The following TRAF3IP3 variants were observed in gnomAD, a reference collection of about 807,000 sequenced individuals.
TRAF3IP3 encodes TRAF3-interacting JNK-activating modulator.
TRAF3IP3 carries 64 observed loss-of-function variants against 86.5 expected under a neutral mutation model. The observed-to-expected ratio is 0.74, with a 90% CI of 0.60 to 0.91. The LOEUF (loss-of-function observed/expected upper bound fraction) is 0.91. TRAF3IP3 is among the 40% of genes least tolerant of loss of function. The probability of loss-of-function intolerance (pLI) is 0.00; values close to 1 mark genes in which losing one functional copy is unlikely to be tolerated. For synonymous variants in TRAF3IP3, 220 were observed against 243.9 expected (o/e 0.90, Z 0.91); for missense variants, 579 against 642.9 (o/e 0.90, Z 1.07).
chr1:209,779,672 T>C (rs1351761203), intron 14 of TRAF3IP3: 1 of 601,876 alleles, frequency 1.7e-6, no homozygotes, highest in Non-Finnish European at 2.9e-6. Flanking sequence ...ATGTCAATTT[T>C]TACACACTTG....
At chr1:209,767,335 T>C (rs2077375634) in intron 8 of TRAF3IP3, among the ~76,000 whole-genome samples, 1 of 152,196 alleles carries the variant, frequency 6.6e-6, no homozygotes, top group Non-Finnish European at 1.5e-5. Context: ...TGGCTCATCC[T>C]TAGAAGGTAT....
Position 209,782,074 on chromosome 1 carries a change from C to T in TRAF3IP3, c.1582C>T (p.Leu528Phe). The change falls in exon 17 of 17, where the codon CTC becomes TTC. Residue 528 changes from leucine to phenylalanine, a missense_variant. Transcript: ENST00000367025. Reference sequence around the variant, plus strand: ...CCTACAGAGGCAATGTGGGCGATGGCTCCCAGTGCTGATGGTGGTGATTGC... The same window carrying T: ...CCTACAGAGGCAATGTGGGCGATGGTTCCCAGTGCTGATGGTGGTGATTGC... ...LPPRRQCGRW[L>F]PVLMVVIAAA... 1 of 1,614,122 alleles carries T rather than the reference C, an allele frequency of 6.2e-7. No individual in the cohort carries two copies. Among genetic ancestry groups the T allele is most frequent in the Non-Finnish European group, 8.5e-7 (1 of 1,179,948 alleles).
At position 209,775,738 on chromosome 1, in the gene TRAF3IP3, T is replaced by TA. The variant is rs757662941; in HGVS notation, c.1053+3dup. 3 of 1,607,394 alleles carry TA rather than the reference T, an allele frequency of 1.9e-6. No homozygotes were observed. The South Asian group carries it at 3.3e-5, about 18-fold the overall frequency. ...CACGTGCTTCAGTCCAAACTGCAGGTACCAGGCACTGGGGGTGGGGAGGGA... is the reference window on the plus strand; with the variant it reads ...CACGTGCTTCAGTCCAAACTGCAGGTAACCAGGCACTGGGGGTGGGGAGGGA... On this transcript the variant is annotated splice_region_variant and intron_variant, in intron 11 of 16. Transcript: ENST00000367025.
chr1:209,757,914 G>A (rs146292650), intron 1 of TRAF3IP3, among the ~76,000 whole-genome samples: 24 of 152,268 alleles, frequency 1.6e-4, no homozygotes, highest in African/African-American at 5.3e-4. Flanking sequence ...TGAGGAGACT[G>A]GGGCTTAGAG....
intron 14 of TRAF3IP3, chr1:209,779,986 T>TA (rs2077741965): frequency 6.2e-6 from 1 of 161,178 alleles, no homozygotes; most frequent in Non-Finnish European, 1.4e-5. Flanking sequence ...TTCTGACTCC[T>TA]AGTCCATGCT....
intron 12 of TRAF3IP3, 159 bp downstream of exon 12, chr1:209,777,646 C>A: frequency 1.4e-6 from 1 of 728,122 alleles, no homozygotes; most frequent in Non-Finnish European, 2.2e-6. Flanking sequence ...AGAGGCAGGA[C>A]TGTTTTAATC....
chr1:209,774,398 G>A (rs558289773), intron 9 of TRAF3IP3, among the ~76,000 whole-genome samples: 1 of 152,236 alleles, frequency 6.6e-6, no homozygotes, highest in African/African-American at 2.4e-5. Flanking sequence ...GAATAATAGA[G>A]GCATGCAGGG....
In TRAF3IP3 at chr1:209,760,189, G is replaced by A. The variant is rs1195332894; in HGVS notation, c.150G>A (p.Arg50=). The change falls in exon 3 of 17, where the codon AGG becomes AGA. Residue 50 remains arginine (R), a synonymous_variant. Transcript: ENST00000367025. The part of the protein sequence containing the change: ...TTCRQVGKTL[R]IQQREQLQRA... ...GCCGCCAGGTGGGGAAGACGCTGAG[G>A]ATCCAACAGAGAGAGCAGCTCCAGA... The A allele has an allele frequency of 8.7e-6, 14 of 1,614,248 alleles. No homozygotes were observed. The highest frequency in any genetic ancestry group is 1.7e-5 in the Admixed American group (1 of 60,030).
intron 8 of TRAF3IP3, chr1:209,768,589 T>C: frequency 2.0e-6 from 2 of 985,742 alleles, no homozygotes; most frequent in South Asian, 4.7e-5. Flanking sequence ...GTGGTGGTGT[T>C]TCTGGAGAGC....
chr1:209,775,595 T>C lies in TRAF3IP3; in HGVS notation c.916-4T>C. 6.2e-7 allele frequency: 1 copy of C among 1,614,100 alleles called. No homozygotes were observed. The highest frequency in any genetic ancestry group is 8.5e-7 in the Non-Finnish European group (1 of 1,179,998). On this transcript the variant is annotated splice_region_variant and splice_polypyrimidine_tract_variant and intron_variant, in intron 10 of 16. Coordinates refer to ENST00000367025, the MANE Select transcript of TRAF3IP3 (RefSeq NM_025228.4). ...GGAGCCCTCTCCTCTCTGATCTCCC[T>C]CAGCGATCCCTGGCCCTGGCAGAGC...
intron 8 of TRAF3IP3, among the ~76,000 whole-genome samples, chr1:209,770,967 C>T (rs1169039244): frequency 2.7e-3 from 161 of 58,832 alleles, no homozygotes; most frequent in Middle Eastern, 0.042. Context: ...TGGAGGGGTG[C>T]GTGTGCATGT....
intron 2 of TRAF3IP3, 40 bp downstream of exon 2, chr1:209,759,174 G>A (rs534683092): frequency 1.3e-5 from 2 of 152,382 alleles, no homozygotes; most frequent in Admixed American, 6.5e-5. Flanking sequence ...AGCCCCAACA[G>A]TATTGGAGCC....
In TRAF3IP3 at chr1:209,773,108, A is replaced by T. The variant is rs1219980856; in HGVS notation, c.774+89A>T. 4.3e-6 allele frequency: 5 copies of T among 1,154,690 alleles called. No individual in the cohort carries two copies. In the African/African-American group the frequency reaches 7.9e-5, roughly 18 times the overall value. The allele number at this position is 1,154,690 out of a possible 1,614,324, so 71.5% of individuals were successfully genotyped here. ...AACCTCAATCTTACTTTCGAGAAACACCACCAGATAGAGAATAACACACCC... is the reference window on the plus strand; with the variant it reads ...AACCTCAATCTTACTTTCGAGAAACTCCACCAGATAGAGAATAACACACCC... On this transcript the variant is annotated intron_variant, in intron 9 of 16. Coordinates refer to ENST00000367025, the MANE Select transcript of TRAF3IP3 (RefSeq NM_025228.4).
intron 14 of TRAF3IP3, 67 bp from the exon 15 acceptor site, chr1:209,780,403 T>C: frequency 5.0e-6 from 7 of 1,396,158 alleles, no homozygotes; most frequent in Non-Finnish European, 5.7e-6. Flanking sequence ...CCTAGTGGTT[T>C]CACCCTCAGG....
intron 1 of TRAF3IP3, among the ~76,000 whole-genome samples, chr1:209,757,099 G>A (rs922098016): frequency 6.6e-6 from 1 of 152,204 alleles, no homozygotes; most frequent in Non-Finnish European, 1.5e-5. Flanking sequence ...ACCTGGGTAG[G>A]GTTCTATGCA....
chr1:209,763,354 T>C lies in TRAF3IP3; in HGVS notation c.577-9T>C. 1 of 1,613,114 alleles carries C rather than the reference T, an allele frequency of 6.2e-7. No individual in the cohort carries two copies. Among genetic ancestry groups the C allele is most frequent in the Non-Finnish European group, 8.5e-7 (1 of 1,179,902 alleles). On this transcript the variant is annotated splice_polypyrimidine_tract_variant and intron_variant, in intron 6 of 16. Transcript: ENST00000367025. Reference sequence around the variant, plus strand: ...AGACATTTTGAATACCCTTGTTCTTTCTCTCCAGGAAATCATCCAGCTTTC... The same window carrying C: ...AGACATTTTGAATACCCTTGTTCTTCCTCTCCAGGAAATCATCCAGCTTTC...
At chr1:209,769,593 G>T (rs533836375) in intron 8 of TRAF3IP3, among the ~76,000 whole-genome samples, 23 of 152,332 alleles carry the variant, frequency 1.5e-4, no homozygotes, top group South Asian at 2.1e-4. Context: ...ATGGTTAGAA[G>T]AATAAGCCAA....
chr1:209,778,982 G>A lies in TRAF3IP3; in HGVS notation c.1253-333G>A, dbSNP rs563337787. On this transcript the variant is annotated intron_variant, in intron 13 of 16. Coordinates refer to ENST00000367025, the MANE Select transcript of TRAF3IP3 (RefSeq NM_025228.4). The stretch of plus-strand genomic sequence containing the variant: ...TCTTTCCTTGGCTTTGTAGATGGCC[G>A]TCTTCTCTCTGTGTCTCTTCACATT... The A allele has an allele frequency of 4.0e-4, 124 of 311,242 alleles. 3 individuals are homozygous for A. In the East Asian group the frequency reaches 8.8e-3, roughly 22 times the overall value. The allele number at this position is 311,242 out of a possible 1,614,324, so 19.3% of individuals were successfully genotyped here.
intron 8 of TRAF3IP3, 39 bp from the exon 9 acceptor site, chr1:209,772,909 T>A (rs765290048): frequency 6.4e-7 from 1 of 1,572,944 alleles, no homozygotes; most frequent in East Asian, 2.2e-5. Flanking sequence ...GCAGACTAGA[T>A]TTTGCCCCAA....
Sources: allele counts gnomAD v4.1 joint callset (sites outside exome capture counted in the v4.1 genomes callset), GRCh38; gene constraint gnomAD v4.1.1; transcripts MANE v1.5; gene names NCBI Gene and HGNC (gene_info 2026-07-23, HGNC 2026-07-21).